Variants in ZC3H12B observed in about 807,000 individuals in gnomAD.
ZC3H12B encodes probable ribonuclease ZC3H12B.
ZC3H12B carries 7 observed loss-of-function variants against 43.9 expected under a neutral mutation model. The observed-to-expected ratio is 0.16, with a 90% CI of 0.09 to 0.30. ZC3H12B has a LOEUF of 0.30. ZC3H12B is among the 10% of genes least tolerant of loss of function. The pLI is 1.00. For synonymous variants in ZC3H12B, 222 were observed against 241.7 expected, an observed-to-expected ratio of 0.92 and a Z score of 0.76; for missense variants, 475 against 670.2, an observed-to-expected ratio of 0.71 and a Z score of 3.22.
chrX:65,073,468 T>A, the ZC3H12B span, among the ~76,000 whole-genome samples: 1 of 112,217 alleles, frequency 8.9e-6, no homozygotes, highest in Non-Finnish European at 1.9e-5. Context: ...GCTGGGGCCC[T>A]GGGAGAGGCC....
chrX:65,172,455 G>C, the ZC3H12B span, among the ~76,000 whole-genome samples: 2 of 111,968 alleles, frequency 1.8e-5, no homozygotes, highest in Non-Finnish European at 3.8e-5. Context: ...TGTCAATTTT[G>C]GCATTTGTTG....
At chrX:65,261,029 CT>C in the ZC3H12B span, among the ~76,000 whole-genome samples, 2 of 111,726 alleles carry the variant, frequency 1.8e-5, no homozygotes, top group Non-Finnish European at 3.8e-5. Context: ...TTTTCATCAC[CT>C]TTTCTTACAA....
the ZC3H12B span, among the ~76,000 whole-genome samples, chrX:65,221,622 C>T: frequency 1.8e-5 from 2 of 110,189 alleles, no homozygotes; most frequent in African/African-American, 6.6e-5. Flanking sequence ...AAATATGCAA[C>T]CCTCCTAAAT....
the ZC3H12B span, among the ~76,000 whole-genome samples, chrX:65,324,615 TTC>T: frequency 9.0e-6 from 1 of 111,582 alleles, no homozygotes; most frequent in African/African-American, 3.2e-5. Context: ...TAAAAATTTC[TTC>T]TGTTATTGAT....
At chrX:65,312,242 C>T in the ZC3H12B span, among the ~76,000 whole-genome samples, 1 of 111,807 alleles carries the variant, frequency 8.9e-6, no homozygotes, top group Non-Finnish European at 1.9e-5. Flanking sequence ...TTTTCTCCCT[C>T]TACTATCCCA....
exon 5 of ZC3H12B, chrX:65,506,727 C>T (rs1316325599): frequency 9.1e-6 from 1 of 110,447 alleles, no homozygotes; most frequent in African/African-American, 3.3e-5. Flanking sequence ...TTGTTGTTTT[C>T]ATTTTGATCT....
the ZC3H12B span, among the ~76,000 whole-genome samples, chrX:65,204,670 C>A: frequency 4.5e-5 from 5 of 111,678 alleles, no homozygotes; most frequent in Non-Finnish European, 9.4e-5. Context: ...AAAGTGGTAG[C>A]CTTACCTTTT....
chrX:65,347,088 G>A, the ZC3H12B span, among the ~76,000 whole-genome samples: 2 of 112,260 alleles, frequency 1.8e-5, no homozygotes, highest in African/African-American at 3.2e-5. Flanking sequence ...CCTCTGGGAC[G>A]TAGCTTCCAG....
the ZC3H12B span, among the ~76,000 whole-genome samples, chrX:65,092,867 T>C: frequency 8.9e-6 from 1 of 111,976 alleles, no homozygotes; most frequent in Non-Finnish European, 1.9e-5. Flanking sequence ...GAAATTTGCA[T>C]AAGTGAAAAT....
the ZC3H12B span, among the ~76,000 whole-genome samples, chrX:65,131,406 G>T: frequency 2.7e-5 from 3 of 111,604 alleles, no homozygotes; most frequent in Non-Finnish European, 5.6e-5. Context: ...AAGTTGTTTG[G>T]ACAGAAAGGC....
chrX:65,068,738 T>G, the ZC3H12B span, among the ~76,000 whole-genome samples: 1 of 111,921 alleles, frequency 8.9e-6, no homozygotes, highest in Non-Finnish European at 1.9e-5. Context: ...CAGTTGATTA[T>G]GTATTGCTAA....
the ZC3H12B span, among the ~76,000 whole-genome samples, chrX:65,090,547 G>A: frequency 1.8e-5 from 2 of 111,622 alleles, no homozygotes; most frequent in African/African-American, 6.5e-5. Flanking sequence ...TTTCTAAACA[G>A]TTTATTTTTT....
chrX:65,252,878 A>G, the ZC3H12B span, among the ~76,000 whole-genome samples: 1 of 112,041 alleles, frequency 8.9e-6, no homozygotes, highest in Non-Finnish European at 1.9e-5. Context: ...AAATAAAATT[A>G]TATTGTGGTT....
the ZC3H12B span, among the ~76,000 whole-genome samples, chrX:65,194,373 A>T: frequency 9.2e-6 from 1 of 108,121 alleles, no homozygotes; most frequent in Non-Finnish European, 1.9e-5. Flanking sequence ...GTGCACATGT[A>T]CCCTAAAACT....
chrX:65,121,687 G>A, the ZC3H12B span, among the ~76,000 whole-genome samples: 3 of 110,861 alleles, frequency 2.7e-5, no homozygotes, highest in South Asian at 1.1e-3. Context: ...CTTGCCTTCT[G>A]CTAGCTTTTG....
the ZC3H12B span, among the ~76,000 whole-genome samples, chrX:65,213,201 AAATC>A: frequency 1.8e-5 from 2 of 110,156 alleles, no homozygotes; most frequent in Non-Finnish European, 3.8e-5. Context: ...GCACTTAAAA[AAATC>A]TATCAGTGTG....
intron 3 of ZC3H12B, among the ~76,000 whole-genome samples, chrX:65,447,559 C>T (rs894193435): frequency 2.7e-5 from 3 of 111,790 alleles, no homozygotes; most frequent in Non-Finnish European, 5.6e-5. Context: ...ACCCCAAAAG[C>T]AAATCCAACT....
intron 3 of ZC3H12B, among the ~76,000 whole-genome samples, chrX:65,438,329 A>G (rs190705441): frequency 8.9e-6 from 1 of 112,219 alleles, no homozygotes; most frequent in African/African-American, 3.2e-5. Context: ...GGACATTTTC[A>G]CAATATTCTT....
the ZC3H12B span, among the ~76,000 whole-genome samples, chrX:65,162,122 C>T: frequency 2.7e-5 from 3 of 111,814 alleles, no homozygotes; most frequent in African/African-American, 9.7e-5. Context: ...TGTAGAGTTT[C>T]TGCCACGAGA....
Sources: gnomAD v4.1 joint callset for allele counts (sites outside exome capture counted in the v4.1 genomes callset) on GRCh38, gnomAD v4.1.1 for gene constraint, MANE v1.5 for transcripts, NCBI Gene and HGNC (gene_info 2026-07-23, HGNC 2026-07-21) for gene names.